Variants in SCHIP1 observed in about 807,000 individuals in gnomAD.
The protein encoded by SCHIP1 is schwannomin-interacting protein 1.
In SCHIP1, 8 loss-of-function variants were observed where a neutral mutation model predicts 29.7. The observed-to-expected ratio is 0.27, with a 90% CI of 0.16 to 0.49. The LOEUF is 0.49. SCHIP1 is among the 20% of genes least tolerant of loss of function. The probability of loss-of-function intolerance (pLI) is 0.99; values close to 1 mark genes in which losing one functional copy is unlikely to be tolerated. For synonymous variants in SCHIP1, 76 were observed against 94.9 expected, an observed-to-expected ratio of 0.80 and a Z score of 1.16; for missense variants, 193 against 294.6, an observed-to-expected ratio of 0.66 and a Z score of 2.52.
intron 1 of SCHIP1, among the ~76,000 whole-genome samples, chr3:159,860,627 A>T (rs1236337726): frequency 2.6e-5 from 4 of 152,330 alleles, no homozygotes; most frequent in Admixed American, 2.0e-4. Context: ...CATGGCAAAG[A>T]GTGAAAAGTG....
At chr3:159,273,677 G>C in the SCHIP1 span, 1 of 1,391,872 alleles carries the variant, frequency 7.2e-7, no homozygotes, top group Non-Finnish European at 9.4e-7. Context: ...AAGGGCAAAA[G>C]CATCACTTAT....
the SCHIP1 span, among the ~76,000 whole-genome samples, chr3:159,795,651 GA>G: frequency 6.6e-6 from 1 of 152,198 alleles, no homozygotes; most frequent in African/African-American, 2.4e-5. Context: ...GTGGTCCAAA[GA>G]AAGTGTTCAC....
At chr3:159,789,132 CAG>C in the SCHIP1 span, among the ~76,000 whole-genome samples, 10 of 150,464 alleles carry the variant, frequency 6.6e-5, no homozygotes, top group African/African-American at 1.2e-4. Flanking sequence ...TCTATATATA[CAG>C]AGAGAGAGAG....
the SCHIP1 span, among the ~76,000 whole-genome samples, chr3:159,445,283 C>T: frequency 0.28 from 42,347 of 151,268 alleles, 8,001 homozygotes; most frequent in African/African-American, 0.54. Context: ...AAAATGCTCA[C>T]CATCACTGGC....
At chr3:159,447,100 C>A in the SCHIP1 span, among the ~76,000 whole-genome samples, 1 of 152,130 alleles carries the variant, frequency 6.6e-6, no homozygotes, top group Non-Finnish European at 1.5e-5. Flanking sequence ...TGTACTGACT[C>A]CAACTAAACA....
the SCHIP1 span, among the ~76,000 whole-genome samples, chr3:159,581,800 T>C: frequency 6.6e-6 from 1 of 152,210 alleles, no homozygotes; most frequent in Non-Finnish European, 1.5e-5. Context: ...AGGGTAAACA[T>C]ATAGATCAAT....
chr3:159,844,319 G>T (rs1711524282), intron 1 of SCHIP1, among the ~76,000 whole-genome samples: 1 of 152,178 alleles, frequency 6.6e-6, no homozygotes, highest in Non-Finnish European at 1.5e-5. Flanking sequence ...TTTGAGCAAG[G>T]GCTTGTATGC....
chr3:159,447,817 C>T, the SCHIP1 span, among the ~76,000 whole-genome samples: 2 of 152,188 alleles, frequency 1.3e-5, no homozygotes, highest in African/African-American at 2.4e-5. Context: ...GTACCTTCTT[C>T]TCCTAACTCC....
At chr3:159,382,225 A>C in the SCHIP1 span, among the ~76,000 whole-genome samples, 1 of 78 alleles carries the variant, frequency 0.013, no homozygotes, top group Non-Finnish European at 0.02. Flanking sequence ...CTCATTTAGC[A>C]TTAGGTATTC....
chr3:159,572,799 TG>T, the SCHIP1 span, among the ~76,000 whole-genome samples: 5 of 152,244 alleles, frequency 3.3e-5, no homozygotes, highest in African/African-American at 1.2e-4. Flanking sequence ...TGGGTGCTCC[TG>T]TATTGGGTGC....
chr3:159,496,623 GTGGAGAAATAGGAACACTTTTACACTGT>G, the SCHIP1 span, among the ~76,000 whole-genome samples: 1 of 152,236 alleles, frequency 6.6e-6, no homozygotes, highest in South Asian at 2.1e-4. Context: ...TGGAGAGGAT[GTGGAGAAATAGGAACACTTTTACACTGT>G]TGGTGGGACT....
At chr3:159,508,303 A>G in the SCHIP1 span, among the ~76,000 whole-genome samples, 1 of 152,120 alleles carries the variant, frequency 6.6e-6, no homozygotes, top group Admixed American at 6.5e-5. Flanking sequence ...CTGTGGGATC[A>G]GTGGTGATAT....
the SCHIP1 span, among the ~76,000 whole-genome samples, chr3:159,428,091 C>T: frequency 3.9e-4 from 59 of 151,934 alleles, no homozygotes; most frequent in African/African-American, 1.4e-3. Context: ...CCATAAAAAC[C>T]CTAGAAGAAA....
the SCHIP1 span, among the ~76,000 whole-genome samples, chr3:159,817,018 T>C: frequency 6.6e-6 from 1 of 152,194 alleles, no homozygotes; most frequent in Admixed American, 6.5e-5. Flanking sequence ...TGATATATAG[T>C]ATAATTCTTT....
chr3:159,388,975 T>G, the SCHIP1 span, among the ~76,000 whole-genome samples: 1 of 152,184 alleles, frequency 6.6e-6, no homozygotes, highest in South Asian at 2.1e-4. Flanking sequence ...AAGCTCAGGC[T>G]AGGAAATGTC....
At chr3:159,384,083 A>G in the SCHIP1 span, among the ~76,000 whole-genome samples, 1 of 151,504 alleles carries the variant, frequency 6.6e-6, no homozygotes, top group African/African-American at 2.4e-5. Context: ...CTCTTTTCCT[A>G]ATTGAATACC....
chr3:159,296,985 T>G, the SCHIP1 span, among the ~76,000 whole-genome samples: 1 of 152,176 alleles, frequency 6.6e-6, no homozygotes, highest in African/African-American at 2.4e-5. Context: ...GGGTTTGATT[T>G]TTTTAGATGT....
At chr3:159,601,922 G>A in the SCHIP1 span, among the ~76,000 whole-genome samples, 1 of 152,332 alleles carries the variant, frequency 6.6e-6, no homozygotes, top group East Asian at 1.9e-4. Context: ...TCCGAGAGCA[G>A]AATGCTATTC....
At chr3:159,423,348 C>T in the SCHIP1 span, among the ~76,000 whole-genome samples, 1 of 152,210 alleles carries the variant, frequency 6.6e-6, no homozygotes, top group Non-Finnish European at 1.5e-5. Context: ...CGGGTCACTC[C>T]CACCTGAATA....
Sources: allele counts gnomAD v4.1 joint callset (sites outside exome capture counted in the v4.1 genomes callset), GRCh38; gene constraint gnomAD v4.1.1; transcripts MANE v1.5; gene names NCBI Gene and HGNC (gene_info 2026-07-23, HGNC 2026-07-21).